The following STUM variants were observed in gnomAD, a reference collection of about 807,000 sequenced individuals.
The protein encoded by STUM is stum, mechanosensory transduction mediator homolog, also known as protein stum homolog.
STUM carries 8 observed loss-of-function variants against 15.3 expected under a neutral mutation model. The observed-to-expected ratio is 0.52, with a 90% CI of 0.31 to 0.94. The LOEUF (loss-of-function observed/expected upper bound fraction) is 0.94. Ranked by LOEUF, STUM falls within the 40% of genes least tolerant of loss-of-function variation. The pLI is 0.05. For missense variants in STUM, 142 were observed against 204.9 expected, an observed-to-expected ratio of 0.69 and a Z score of 1.87; for synonymous variants, 78 against 88.7, an observed-to-expected ratio of 0.88 and a Z score of 0.68.
intron 1 of STUM, among the ~76,000 whole-genome samples, chr1:226,577,757 G>A (rs566524769): frequency 3.9e-5 from 6 of 152,282 alleles, no homozygotes; most frequent in African/African-American, 9.6e-5. Flanking sequence ...GTCAGATTCC[G>A]ACTCAGGGGC....
At chr1:226,582,185 C>G (rs780569722) in intron 1 of STUM, among the ~76,000 whole-genome samples, 6 of 152,250 alleles carry the variant, frequency 3.9e-5, no homozygotes, top group Non-Finnish European at 7.3e-5. Context: ...CGGGAAATGT[C>G]AGTGCCATCC....
At position 226,608,214 on chromosome 1, in the gene STUM, C is replaced by G. The variant is rs1222836200; in HGVS notation, c.*6174C>G. ...AGAGGAGAGGGGCAGTGTTCCCACC[C>G]ACCTGCTCCAGCACAGGAACCAGGG... is the stretch of plus-strand genomic sequence containing the variant. On this transcript the variant is annotated 3_prime_UTR_variant, in exon 4 of 4. Transcript: ENST00000366788. This position sits in a 1 kb window ranked among gnomAD's most constrained non-coding sequence, Gnocchi z 4.0. 6.6e-6 allele frequency: 1 copy of G among 152,298 alleles called. No individual in the cohort carries two copies. Among genetic ancestry groups the G allele is most frequent in the Admixed American group, 6.5e-5 (1 of 15,294 alleles). The allele number at this position is 152,298 out of a possible 1,614,324, so 9.4% of individuals were successfully genotyped here.
At chr1:226,559,669 A>G (rs1211194055) in intron 1 of STUM, among the ~76,000 whole-genome samples, 1 of 152,060 alleles carries the variant, frequency 6.6e-6, no homozygotes, top group Non-Finnish European at 1.5e-5. Flanking sequence ...TACACAAGTC[A>G]CTCTTTCAAA....
intron 1 of STUM, among the ~76,000 whole-genome samples, chr1:226,586,075 A>G (rs890415161): frequency 5.9e-5 from 9 of 152,132 alleles, no homozygotes; most frequent in Non-Finnish European, 1.2e-4. Context: ...CCTTTGCTCG[A>G]TGGAATGCAG....
At chr1:226,591,236 C>T (rs187315519) in intron 1 of STUM, among the ~76,000 whole-genome samples, 103 of 152,284 alleles carry the variant, frequency 6.8e-4, no homozygotes, top group Admixed American at 5.2e-3. Context: ...GTACCTTATA[C>T]GGCAAAAGGG....
At chr1:226,569,485 G>T (rs16846139) in intron 1 of STUM, among the ~76,000 whole-genome samples, 2,057 of 152,206 alleles carry the variant, frequency 0.014, 22 homozygotes, top group South Asian at 0.038. Context: ...CAGTAATTTT[G>T]GGGCCAAATA....
chr1:226,560,018 A>G (rs2102688027), intron 1 of STUM, among the ~76,000 whole-genome samples: 2 of 151,608 alleles, frequency 1.3e-5, no homozygotes, highest in South Asian at 4.2e-4. Flanking sequence ...GGGCGCCTGT[A>G]ATCCCAGCTA....
intron 1 of STUM, among the ~76,000 whole-genome samples, chr1:226,559,952 C>T (rs1475520551): frequency 4.4e-5 from 6 of 137,472 alleles, no homozygotes; most frequent in Admixed American, 7.6e-5. Flanking sequence ...CCAGCCTGGG[C>T]AACAGAGCAA....
intron 1 of STUM, among the ~76,000 whole-genome samples, chr1:226,589,217 G>C (rs757726472): frequency 6.6e-6 from 1 of 152,148 alleles, no homozygotes; most frequent in Non-Finnish European, 1.5e-5. Context: ...AGCTGAACCC[G>C]GTGAGAACTC....
At chr1:226,587,556 A>G (rs1668016167) in intron 1 of STUM, among the ~76,000 whole-genome samples, 1 of 151,982 alleles carries the variant, frequency 6.6e-6, no homozygotes. Flanking sequence ...AAACCTCACA[A>G]TCCCAACGCA....
chr1:226,579,646 C>CAGGGCCT (rs1667887521), intron 1 of STUM, among the ~76,000 whole-genome samples: 1 of 137,246 alleles, frequency 7.3e-6, no homozygotes, highest in African/African-American at 2.8e-5. Context: ...TTTTCTTTTT[C>CAGGGCCT]TTTTGAGACA....
chr1:226,588,302 C>A (rs1668030108), intron 1 of STUM, among the ~76,000 whole-genome samples: 1 of 152,178 alleles, frequency 6.6e-6, no homozygotes, highest in African/African-American at 2.4e-5. Flanking sequence ...GCTGATATGC[C>A]CTTTGGTTGA....
Position 226,573,348 on chromosome 1 carries a change from C to T in STUM, c.203-23454C>T, listed in dbSNP as rs1372798187. Among the ~76,000 whole-genome samples the T allele has an allele frequency of 7.9e-5, 12 of 152,274 alleles. No homozygotes were observed. In the East Asian group the frequency reaches 1.2e-3, roughly 15 times the overall value. On this transcript the variant is annotated intron_variant, in intron 1 of 3. Transcript: ENST00000366788. ...GTAACAGATGGTGGCGGGTTAGTCA[C>T]GACTCTTTCAGTTAAAAGTGTTAGA...
rs137964892 is a variant in STUM at position 226,602,380 on chromosome 1, G to A, written c.*340G>A. 3.7e-5 allele frequency: 12 copies of A among 323,818 alleles called. No individual in the cohort carries two copies. The highest frequency in any genetic ancestry group is 1.3e-4 in the South Asian group (3 of 23,838). 20.1% of individuals were successfully genotyped at this position (323,818 alleles called of 1,614,324 possible). A position where few individuals can be genotyped will look rare whatever the true frequency, so the allele number is the denominator to read the frequency against. ...ACTGCCCACCGCAAAGGCACGCCAC[G>A]TCTGCTGGGCCGGGCCACACCGGGC... is the stretch of plus-strand genomic sequence containing the variant. On this transcript the variant is annotated 3_prime_UTR_variant, in exon 4 of 4. Coordinates refer to ENST00000366788, the MANE Select transcript of STUM (RefSeq NM_001003665.4).
At position 226,552,786 on chromosome 1, in the gene STUM, A is replaced by G. The variant is rs1458479870; in HGVS notation, c.202+3680A>G. Among the ~76,000 whole-genome samples the G allele has an allele frequency of 6.6e-6, 1 of 152,186 alleles. No individual in the cohort carries two copies. Among genetic ancestry groups the G allele is most frequent in the Non-Finnish European group, 1.5e-5 (1 of 68,042 alleles). ...GACCCAAGGCTCAAACTGATGATTA[A>G]TCATGTCCTACCTCCTGGCATCTTT... is the stretch of plus-strand genomic sequence containing the variant. On this transcript the variant is annotated intron_variant, in intron 1 of 3. Transcript: ENST00000366788. The surrounding 1 kb of genome is among the most constrained non-coding windows in gnomAD (Gnocchi z 4.7).
chr1:226,551,907 T>C (rs548855417), intron 1 of STUM, among the ~76,000 whole-genome samples: 1 of 152,268 alleles, frequency 6.6e-6, no homozygotes, highest in South Asian at 2.1e-4. Context: ...TGAGAAAATC[T>C]ATCACGTGTC....
At chr1:226,592,421 A>G (rs1668106306) in intron 1 of STUM, among the ~76,000 whole-genome samples, 1 of 152,194 alleles carries the variant, frequency 6.6e-6, no homozygotes, top group Admixed American at 6.5e-5. Flanking sequence ...AACTAGACAG[A>G]TTGACTTTAA....
Position 226,552,608 on chromosome 1 carries a change from C to T in STUM, c.202+3502C>T, listed in dbSNP as rs561259171. Among the ~76,000 whole-genome samples the T allele has an allele frequency of 1.3e-5, 2 of 152,262 alleles. No individual in the cohort carries two copies. The highest frequency in any genetic ancestry group is 4.2e-4 in the South Asian group (2 of 4,818). ...CGGAAAGTCGAAGGGAGGAGGACCTCCATTGACCTTTAACCACTCCATTGG... is the reference window on the plus strand; with the variant it reads ...CGGAAAGTCGAAGGGAGGAGGACCTTCATTGACCTTTAACCACTCCATTGG... On this transcript the variant is annotated intron_variant, in intron 1 of 3. Coordinates refer to ENST00000366788, the MANE Select transcript of STUM (RefSeq NM_001003665.4). This position sits in a 1 kb window ranked among gnomAD's most constrained non-coding sequence, Gnocchi z 4.7.
intron 1 of STUM, among the ~76,000 whole-genome samples, chr1:226,558,984 C>T (rs1344509058): frequency 1.3e-5 from 2 of 152,142 alleles, no homozygotes; most frequent in South Asian, 2.1e-4. Context: ...TAGGGGAAAG[C>T]GGAGGCAATG....
Sources: allele counts gnomAD v4.1 joint callset (sites outside exome capture counted in the v4.1 genomes callset), GRCh38; gene constraint gnomAD v4.1.1; non-coding constraint Gnocchi (gnomAD v3.1); transcripts MANE v1.5; gene names NCBI Gene and HGNC (gene_info 2026-07-23, HGNC 2026-07-21).